Variants in NRXN1 observed in about 807,000 individuals in gnomAD.
NRXN1 encodes the protein neurexin-1.
NRXN1 carries 39 observed loss-of-function variants against 150.9 expected under a neutral mutation model. That is an observed-to-expected ratio of 0.26 (90% CI 0.20 to 0.34). NRXN1 has a LOEUF of 0.34. NRXN1 is among the 10% of genes least tolerant of loss of function. NRXN1 has a pLI of 1.00. For synonymous variants in NRXN1, 924 were observed against 757.0 expected (o/e 1.22, Z -3.62); for missense variants, 1,815 against 1,949.9 (o/e 0.93, Z 1.30).
intron 5 of NRXN1, among the ~76,000 whole-genome samples, chr2:50,862,738 T>A (rs374272298): frequency 6.6e-6 from 1 of 152,082 alleles, no homozygotes; most frequent in African/African-American, 2.4e-5. Context: ...ACTGCTAATA[T>A]CAATATTTTG....
intron 5 of NRXN1, among the ~76,000 whole-genome samples, chr2:50,657,011 T>C (rs989005396): frequency 9.9e-5 from 15 of 152,032 alleles, no homozygotes; most frequent in Non-Finnish European, 1.8e-4. Flanking sequence ...ATAAGCATTT[T>C]CTTAACTCAA....
Position 50,236,780 on chromosome 2 carries a change from A to G in NRXN1, c.3546+9T>C. On this transcript the variant is annotated intron_variant, in intron 18 of 22. Transcript: ENST00000401669. ...AGTAAAAGCTGAATCTTATGCAAAA[A>G]GTACTTACTATATGCAGTTCTAGGT... 1 of 1,612,280 alleles carries G rather than the reference A, an allele frequency of 6.2e-7. No individual in the cohort carries two copies. Among genetic ancestry groups the G allele is most frequent in the Non-Finnish European group, 8.5e-7 (1 of 1,178,872 alleles).
intron 2 of NRXN1, among the ~76,000 whole-genome samples, chr2:50,947,933 C>T (rs1690667505): frequency 6.6e-6 from 1 of 152,086 alleles, no homozygotes; most frequent in East Asian, 1.9e-4. Context: ...TTCATTTATT[C>T]AGACAGATAA....
intron 5 of NRXN1, among the ~76,000 whole-genome samples, chr2:50,626,863 C>T (rs975411319): frequency 1.3e-5 from 2 of 151,594 alleles, no homozygotes; most frequent in African/African-American, 4.8e-5. Context: ...GATTATAATC[C>T]AGAATATGCC....
chr2:50,989,545 T>C (rs1698231113), intron 2 of NRXN1, among the ~76,000 whole-genome samples: 1 of 151,990 alleles, frequency 6.6e-6, no homozygotes, highest in Admixed American at 6.6e-5. Context: ...AATAATAGAA[T>C]GATATAGCAT....
chr2:50,206,366 T>C (rs979058060), intron 18 of NRXN1, among the ~76,000 whole-genome samples: 17 of 152,100 alleles, frequency 1.1e-4, no homozygotes, highest in African/African-American at 3.9e-4. Flanking sequence ...AATTATCCAA[T>C]TGGCATTTTC....
chr2:50,259,881 T>C (rs1229538460), intron 17 of NRXN1, among the ~76,000 whole-genome samples: 1 of 151,890 alleles, frequency 6.6e-6, no homozygotes, highest in Non-Finnish European at 1.5e-5. Flanking sequence ...CTTCCTCTAC[T>C]CATCAAGGTG....
At chr2:50,185,577 T>A (rs1292847185) in intron 18 of NRXN1, 1 of 152,058 alleles carries the variant, frequency 6.6e-6, no homozygotes, top group East Asian at 1.9e-4. Flanking sequence ...CAGTGTACTT[T>A]GTCTTTGCTC....
At chr2:50,041,377 C>T (rs1025058526) in intron 21 of NRXN1, among the ~76,000 whole-genome samples, 2 of 152,154 alleles carry the variant, frequency 1.3e-5, no homozygotes, top group African/African-American at 4.8e-5. Flanking sequence ...CTATTTCGAT[C>T]TGGTTTTCTA....
intron 21 of NRXN1, among the ~76,000 whole-genome samples, chr2:50,028,138 C>T (rs572919387): frequency 5.3e-5 from 8 of 152,044 alleles, no homozygotes; most frequent in African/African-American, 1.4e-4. Flanking sequence ...TTATTTCTGC[C>T]CTAGCCATAA....
intron 5 of NRXN1, among the ~76,000 whole-genome samples, chr2:50,694,348 C>T (rs922390941): frequency 3.3e-5 from 5 of 152,034 alleles, no homozygotes; most frequent in African/African-American, 7.2e-5. Flanking sequence ...CTTTTTGCAT[C>T]GGTTTCCCTC....
At chr2:50,999,064 CT>C (rs1699700460) in intron 2 of NRXN1, among the ~76,000 whole-genome samples, 1 of 152,032 alleles carries the variant, frequency 6.6e-6, no homozygotes. Flanking sequence ...ACATGGTATA[CT>C]TCCAAGTGCT....
intron 18 of NRXN1, among the ~76,000 whole-genome samples, chr2:50,225,715 C>T (rs1282985506): frequency 6.6e-6 from 1 of 151,894 alleles, no homozygotes; most frequent in East Asian, 1.9e-4. Context: ...CTCTGGAGGT[C>T]TCTTTTTGCT....
intron 5 of NRXN1, among the ~76,000 whole-genome samples, chr2:50,779,673 C>G (rs895614708): frequency 6.6e-6 from 1 of 152,034 alleles, no homozygotes; most frequent in Non-Finnish European, 1.5e-5. Context: ...GAGGCTGAGG[C>G]AGGAGAATGG....
At chr2:50,496,976 T>A (rs1332946689) in intron 14 of NRXN1, among the ~76,000 whole-genome samples, 1 of 152,222 alleles carries the variant, frequency 6.6e-6, no homozygotes, top group Non-Finnish European at 1.5e-5. Context: ...GAATTAGCTA[T>A]TTAATTTAGC....
At chr2:50,543,083 G>A (rs1448025492) in intron 9 of NRXN1, among the ~76,000 whole-genome samples, 1 of 152,116 alleles carries the variant, frequency 6.6e-6, no homozygotes, top group African/African-American at 2.4e-5. Context: ...TTCAAAGGCT[G>A]AGGTACATAA....
chr2:49,974,843 A>G (rs1473587646), intron 21 of NRXN1, among the ~76,000 whole-genome samples: 2 of 151,894 alleles, frequency 1.3e-5, no homozygotes, highest in East Asian at 3.9e-4. Flanking sequence ...CATTAAAAAT[A>G]AAAACAAGCA....
intron 17 of NRXN1, among the ~76,000 whole-genome samples, chr2:50,254,629 T>C (rs2067516208): frequency 6.6e-6 from 1 of 152,158 alleles, no homozygotes; most frequent in Non-Finnish European, 1.5e-5. Flanking sequence ...TGTTCATTTC[T>C]CAATTTTTTA....
At chr2:50,194,245 C>T (rs79967285) in intron 18 of NRXN1, among the ~76,000 whole-genome samples, 8,759 of 152,116 alleles carry the variant, frequency 0.058, 302 homozygotes, top group Middle Eastern at 0.11. Context: ...TCAATCTTAC[C>T]CGTGCCTATA....
Sources: gnomAD v4.1 joint callset for allele counts (sites outside exome capture counted in the v4.1 genomes callset) on GRCh38, gnomAD v4.1.1 for gene constraint, MANE v1.5 for transcripts, NCBI Gene and HGNC (gene_info 2026-07-23, HGNC 2026-07-21) for gene names.